SMARCA2: variants seen among roughly 807,000 people sequenced by gnomAD.
SMARCA2 encodes the protein SWI/SNF related BAF chromatin remodeling complex subunit ATPase 2, also known as SWI/SNF-related matrix-associated actin-dependent regulator of chromatin subfamily A member 2.
In SMARCA2, 61 loss-of-function variants were observed where a neutral mutation model predicts 199.8. The ratio of observed to expected loss-of-function variants is 0.31; its 90% confidence interval spans 0.25 to 0.38. SMARCA2 has a LOEUF of 0.38. Among genes scored for constraint, SMARCA2 ranks in the 10% least tolerant of loss-of-function variants. The pLI is 1.00. For missense variants in SMARCA2, 1,344 were observed against 2,012.2 expected (o/e 0.67, Z 6.35); for synonymous variants, 935 against 732.0 (o/e 1.28, Z -4.48).
rs766977472 is a variant in SMARCA2, at chr9:2,047,452, C to T, written c.1014C>T (p.Asp338=). ...ISPIQKPQGL[D]PVEILQEREY... Reference sequence around the variant, plus strand: ...CCATCCAGAAACCGCAAGGCCTGGACCCCGTGGAAATTCTGCAAGAGCGGG... The same window carrying T: ...CCATCCAGAAACCGCAAGGCCTGGATCCCGTGGAAATTCTGCAAGAGCGGG... The change falls in exon 5 of 34, where the codon GAC becomes GAT. Residue 338 remains aspartate (D), a synonymous_variant. Coordinates refer to ENST00000349721, the MANE Select transcript of SMARCA2 (RefSeq NM_003070.5). 5 of 1,549,112 alleles carry T rather than the reference C, an allele frequency of 3.2e-6. No homozygotes were observed. The highest frequency in any genetic ancestry group is 4.3e-6 in the Non-Finnish European group (5 of 1,152,140).
At chr9:2,184,637 G>A (rs1827301153) in intron 31 of SMARCA2, among the ~76,000 whole-genome samples, 1 of 152,062 alleles carries the variant, frequency 6.6e-6, no homozygotes, top group African/African-American at 2.4e-5. Flanking sequence ...ACAGGTGTGA[G>A]TACCACACCT....
chr9:2,142,562 G>A lies in SMARCA2; in HGVS notation c.3981+18625G>A, dbSNP rs911324271. Among the ~76,000 whole-genome samples, 9 of 152,242 alleles carry A rather than the reference G, an allele frequency of 5.9e-5. No individual in the cohort carries two copies. The East Asian group carries it at 1.5e-3, about 26-fold the overall frequency. On this transcript the variant is annotated intron_variant, in intron 27 of 33. Coordinates refer to ENST00000349721, the MANE Select transcript of SMARCA2 (RefSeq NM_003070.5). ...TTGGCCTGTTGAGTCTAGTGCAGGA[G>A]GTCAGTCCAAACCAATGGCCTCCTA...
In SMARCA2 at chr9:2,074,515, A is replaced by G. The variant is rs1025707905; in HGVS notation, c.1935+892A>G. 4.6e-5 allele frequency among the ~76,000 whole-genome samples: 7 copies of G among 152,174 alleles called. No individual in the cohort carries two copies. In the East Asian group the frequency reaches 7.7e-4, roughly 17 times the overall value. On this transcript the variant is annotated intron_variant, in intron 12 of 33. Transcript: ENST00000349721. Reference sequence around the variant, plus strand: ...CAAATTAGTCTTCCATGAGCACTTAATGCTTTTGTAAAGAGAAAGAATAAT... The same window carrying G: ...CAAATTAGTCTTCCATGAGCACTTAGTGCTTTTGTAAAGAGAAAGAATAAT...
At chr9:2,129,182 G>A (rs990644929) in intron 27 of SMARCA2, among the ~76,000 whole-genome samples, 17 of 152,164 alleles carry the variant, frequency 1.1e-4, no homozygotes, top group East Asian at 5.8e-4. Flanking sequence ...AGTTTGGGAG[G>A]GCGAGGCGGG....
At chr9:2,070,840 A>G (rs111305445) in intron 10 of SMARCA2, among the ~76,000 whole-genome samples, 9 of 152,372 alleles carry the variant, frequency 5.9e-5, no homozygotes, top group African/African-American at 2.2e-4. Context: ...TCTCTAGTTT[A>G]TTATTAATTT....
At chr9:2,162,390 A>G (rs1164374110) in intron 28 of SMARCA2, among the ~76,000 whole-genome samples, 1 of 152,190 alleles carries the variant, frequency 6.6e-6, no homozygotes, top group Non-Finnish European at 1.5e-5. Context: ...GAGCACTTGA[A>G]TTATCTCTTT....
chr9:2,181,802 G>A lies in SMARCA2; in HGVS notation c.4359+126G>A, dbSNP rs189933658. 3.6e-3 allele frequency: 2,335 copies of A among 641,090 alleles called. 15 individuals are homozygous for A. The highest frequency in any genetic ancestry group is 3.9e-3 in the South Asian group (213 of 54,054). The allele number at this position is 641,090 out of a possible 1,614,324, so 39.7% of individuals were successfully genotyped here. A position where few individuals can be genotyped will look rare whatever the true frequency, so the allele number is the denominator to read the frequency against. On this transcript the variant is annotated intron_variant, in intron 30 of 33. Transcript: ENST00000349721. ...CCCAGGGCTCGCGACAGGAAAGGTT[G>A]GGATGTCCTTGTGCTTTTCCGTGAG...
chr9:2,159,796 C>G, intron 27 of SMARCA2: 1 of 1,603,346 alleles, frequency 6.2e-7, no homozygotes, highest in Non-Finnish European at 8.5e-7. Flanking sequence ...CCCCAGCTCT[C>G]TTTTTTTTCC....
chr9:2,021,937 A>C (rs1335227126), intron 1 of SMARCA2: 1 of 148,814 alleles, frequency 6.7e-6, no homozygotes, highest in African/African-American at 2.6e-5. Flanking sequence ...GCATCTGAGC[A>C]TCCCAGATCA....
At chr9:2,087,120 T>C (rs776013300) in intron 18 of SMARCA2, 49 bp downstream of exon 18, 98 of 1,608,366 alleles carry the variant, frequency 6.1e-5, no homozygotes, top group Non-Finnish European at 8.1e-5. Flanking sequence ...TGACATGAAA[T>C]GAAAGGCCCT....
chr9:2,126,186 G>C (rs1823685921), intron 27 of SMARCA2, among the ~76,000 whole-genome samples: 1 of 152,176 alleles, frequency 6.6e-6, no homozygotes, highest in Admixed American at 6.5e-5. Context: ...TGGAAAATTA[G>C]TTTGTTTTAC....
intron 27 of SMARCA2, among the ~76,000 whole-genome samples, chr9:2,153,317 G>T (rs78090616): frequency 5.9e-5 from 9 of 152,146 alleles, no homozygotes; most frequent in African/African-American, 2.2e-4. Context: ...CAGGAAGATC[G>T]CTTGCGCCCA....
intron 31 of SMARCA2, 88 bp from the exon 32 acceptor site, chr9:2,186,008 G>T: frequency 7.9e-7 from 1 of 1,272,382 alleles, no homozygotes. Context: ...AAATTCATGT[G>T]AATTAAGCTG....
At chr9:2,186,008 G>C in intron 31 of SMARCA2, 88 bp from the exon 32 acceptor site, 3 of 1,272,382 alleles carry the variant, frequency 2.4e-6, no homozygotes, top group Non-Finnish European at 3.3e-6. Context: ...AAATTCATGT[G>C]AATTAAGCTG....
At chr9:2,167,583 C>A (rs1388005158) in intron 28 of SMARCA2, among the ~76,000 whole-genome samples, 1 of 152,200 alleles carries the variant, frequency 6.6e-6, no homozygotes, top group African/African-American at 2.4e-5. Flanking sequence ...CACGTGGCTC[C>A]TGCCTCCCTG....
intron 3 of SMARCA2, among the ~76,000 whole-genome samples, chr9:2,036,252 G>T (rs12554293): frequency 4.6e-5 from 7 of 151,808 alleles, no homozygotes; most frequent in African/African-American, 1.7e-4. Flanking sequence ...GCACTTAGAA[G>T]TTCAAGATTA....
rs187318975 is a variant in SMARCA2, at chr9:2,117,633, T to C, written c.3684+1584T>C. 1.5e-3 allele frequency among the ~76,000 whole-genome samples: 228 copies of C among 152,294 alleles called. 1 individual carries two copies. Among genetic ancestry groups the C allele is most frequent in the African/African-American group, 5.3e-3 (220 of 41,566 alleles). ...TTGTTTTGTGTAGGCCTTGTGAAAA[T>C]AGTACCTGATCTGGTTGAGAATCAA... is the stretch of plus-strand genomic sequence containing the variant. On this transcript the variant is annotated intron_variant, in intron 25 of 33. Coordinates refer to ENST00000349721, the MANE Select transcript of SMARCA2 (RefSeq NM_003070.5).
intron 17 of SMARCA2, 90 bp downstream of exon 17, chr9:2,084,286 T>C: frequency 1.5e-6 from 1 of 661,254 alleles, no homozygotes; most frequent in Non-Finnish European, 2.6e-6. Flanking sequence ...AATTGGATCC[T>C]TAGATGGCTT....
At chr9:2,131,604 T>G (rs1056040521) in intron 27 of SMARCA2, among the ~76,000 whole-genome samples, 1 of 152,192 alleles carries the variant, frequency 6.6e-6, no homozygotes. Context: ...TGAACGTGCC[T>G]AAATGGGGTT....
Sources: gnomAD v4.1 joint callset for allele counts (sites outside exome capture counted in the v4.1 genomes callset) on GRCh38, gnomAD v4.1.1 for gene constraint, MANE v1.5 for transcripts, NCBI Gene and HGNC (gene_info 2026-07-23, HGNC 2026-07-21) for gene names.